Variants in NRP2 observed in about 807,000 individuals in gnomAD.
NRP2 encodes neuropilin 2, also known as neuropilin-2.
A neutral mutation model predicts 110.4 loss-of-function variants in NRP2; 52 were observed. The ratio of observed to expected loss-of-function variants is 0.47; its 90% CI spans 0.38 to 0.59. The LOEUF (loss-of-function observed/expected upper bound fraction) is 0.59, where lower values mean the gene tolerates loss of function less well. NRP2 is among the 20% of genes least tolerant of loss of function. NRP2 has a pLI of 0.00. For synonymous variants in NRP2, 508 were observed against 468.9 expected, an observed-to-expected ratio of 1.08 and a Z score of -1.08; for missense variants, 1,049 against 1,203.0, an observed-to-expected ratio of 0.87 and a Z score of 1.89.
chr2:205,795,297 C>G lies in NRP2; in HGVS notation c.*239C>G. 1 of 497,804 alleles carries G rather than the reference C, an allele frequency of 2.0e-6. No individual in the cohort carries two copies. The allele number at this position is 497,804 out of a possible 1,614,324, so 30.8% of individuals were successfully genotyped here. A position where few individuals can be genotyped will look rare whatever the true frequency, so the allele number is the denominator to read the frequency against. ...GTCATTGCAGGAACGGGGCTGTGTT[C>G]TCTGCTGGGACAAAACAGGAGCTCA... On this transcript the variant is annotated 3_prime_UTR_variant, in exon 17 of 17. Transcript: ENST00000357785.
chr2:205,742,376 G>A (rs930066412), intron 8 of NRP2, among the ~76,000 whole-genome samples: 1 of 152,244 alleles, frequency 6.6e-6, no homozygotes, highest in African/African-American at 2.4e-5. Flanking sequence ...AGGCTACTGA[G>A]CAAGATAGAT....
intron 12 of NRP2, chr2:205,762,509 C>T (rs1469984279): frequency 6.6e-6 from 1 of 152,122 alleles, no homozygotes; most frequent in East Asian, 1.9e-4. Context: ...ATTCACAGTC[C>T]CTGTGGAGTA....
At chr2:205,766,425 C>A (rs1230458419) in intron 14 of NRP2, among the ~76,000 whole-genome samples, 2 of 152,202 alleles carry the variant, frequency 1.3e-5, no homozygotes, top group East Asian at 1.9e-4. Flanking sequence ...CCTGGGACCA[C>A]CCCAGTCCCT....
chr2:205,707,730 T>C (rs975234727), intron 2 of NRP2, among the ~76,000 whole-genome samples: 5 of 152,298 alleles, frequency 3.3e-5, no homozygotes, highest in Admixed American at 2.6e-4. Flanking sequence ...AGGCTCCCGT[T>C]TTTTGGACAG....
chr2:205,794,384 A>G (rs1407285328), intron 16 of NRP2, among the ~76,000 whole-genome samples: 1 of 152,234 alleles, frequency 6.6e-6, no homozygotes, highest in Non-Finnish European at 1.5e-5. Context: ...TGCTGGGATT[A>G]CAGGCGTGAG....
At chr2:205,742,512 C>G (rs575944923) in intron 8 of NRP2, among the ~76,000 whole-genome samples, 1 of 152,234 alleles carries the variant, frequency 6.6e-6, no homozygotes, top group South Asian at 2.1e-4. Context: ...GGATATGACA[C>G]TTGAGCTTGG....
At chr2:205,711,268 G>A (rs1221872899) in intron 2 of NRP2, among the ~76,000 whole-genome samples, 1 of 152,216 alleles carries the variant, frequency 6.6e-6, no homozygotes, top group African/African-American at 2.4e-5. Context: ...CAGCAGTGAA[G>A]AGGCAAGGTC....
chr2:205,713,639 A>G (rs1414190709), intron 2 of NRP2, among the ~76,000 whole-genome samples: 1 of 152,242 alleles, frequency 6.6e-6, no homozygotes, highest in Non-Finnish European at 1.5e-5. Context: ...AAAAGTTAAC[A>G]GTATAGCGTG....
chr2:205,704,733 G>A (rs546083849), intron 2 of NRP2, among the ~76,000 whole-genome samples: 12 of 152,328 alleles, frequency 7.9e-5, no homozygotes, highest in Admixed American at 3.3e-4. Context: ...TGCAAGCTTC[G>A]CTGTAGATGC....
chr2:205,719,954 T>C (rs1347395346), intron 3 of NRP2, among the ~76,000 whole-genome samples: 1 of 152,244 alleles, frequency 6.6e-6, no homozygotes, highest in East Asian at 1.9e-4. Flanking sequence ...ACTTGAGTTC[T>C]TCGTTTAACC....
In NRP2 at chr2:205,743,642, A is replaced by G. The variant is rs2057485629; in HGVS notation, c.1641+90A>G. 3 of 1,535,938 alleles carry G rather than the reference A, an allele frequency of 2.0e-6. No individual in the cohort carries two copies. The Admixed American group carries it at 6.0e-5, about 31-fold the overall frequency. On this transcript the variant is annotated intron_variant, in intron 9 of 16. Transcript: ENST00000357785. ...AGTTGAGACTGATGATGTCCCATCT[A>G]AACAGTCGTCATCCAACTCCTGAAA...
chr2:205,771,859 G>C (rs2058027858), intron 15 of NRP2, among the ~76,000 whole-genome samples: 1 of 152,228 alleles, frequency 6.6e-6, no homozygotes, highest in South Asian at 2.1e-4. Flanking sequence ...TGGCATAAAA[G>C]CATCCATAAG....
chr2:205,717,209 C>T (rs1575579540), intron 3 of NRP2, among the ~76,000 whole-genome samples: 1 of 149,510 alleles, frequency 6.7e-6, no homozygotes, highest in East Asian at 2.0e-4. Flanking sequence ...GGAAGCATGT[C>T]CTCCAGTCCT....
rs765851438 is a variant in NRP2 at position 205,776,409 on chromosome 2, CAAG to C, written c.2425+9611_2425+9613del. 16 of 1,613,522 alleles carry C rather than the reference CAAG, an allele frequency of 9.9e-6. No homozygotes were observed. The East Asian group carries it at 1.3e-4, about 13-fold the overall frequency. The stretch of plus-strand genomic sequence containing the variant: ...ACTACCACCGGTTCCGCTATGCGGC[CAAG>C]AAGACCGATCACTCCATCACCTACA... On this transcript the variant is annotated intron_variant, in intron 15 of 16. Coordinates refer to ENST00000357785, the MANE Select transcript of NRP2 (RefSeq NM_003872.3).
intron 2 of NRP2, 51 bp from the exon 3 acceptor site, chr2:205,716,142 C>T (rs1208043936): frequency 1.3e-6 from 2 of 1,586,454 alleles, no homozygotes; most frequent in Admixed American, 1.7e-5. Flanking sequence ...CACAGTGGTC[C>T]TTCTCATGTC....
At chr2:205,708,360 G>A (rs1196362187) in intron 2 of NRP2, among the ~76,000 whole-genome samples, 2 of 152,214 alleles carry the variant, frequency 1.3e-5, no homozygotes, top group African/African-American at 4.8e-5. Flanking sequence ...GAGCAGACCC[G>A]TGACCACACG....
chr2:205,691,757 G>A (rs774962297), intron 1 of NRP2, among the ~76,000 whole-genome samples: 2 of 152,226 alleles, frequency 1.3e-5, no homozygotes, highest in Admixed American at 6.5e-5. Context: ...CATTTGCAAT[G>A]AGGGCTGGAA....
Position 205,716,241 on chromosome 2 carries a change from C to A in NRP2, c.300C>A (p.Leu100=). Residue 100 remains leucine, a synonymous_variant, in exon 3 of 17, where the codon CTC becomes CTA. Transcript: ENST00000357785. ...IRDGDSESAD[L]LGKHCGNIAP... ...ATGGGGACAGTGAATCCGCAGACCT[C>A]CTGGGCAAACACTGTGGGAACATCG... The A allele has an allele frequency of 3.1e-6, 5 of 1,614,184 alleles. No individual in the cohort carries two copies. The highest frequency in any genetic ancestry group is 4.2e-6 in the Non-Finnish European group (5 of 1,180,042).
At chr2:205,790,648 GTT>G (rs56812222) in intron 15 of NRP2, among the ~76,000 whole-genome samples, 1,617 of 145,110 alleles carry the variant, frequency 0.011, 34 homozygotes, top group African/African-American at 0.038. Context: ...TTTCTTCCAT[GTT>G]TTTTTTTTTT....
Sources: gnomAD v4.1 joint callset for allele counts (sites outside exome capture counted in the v4.1 genomes callset) on GRCh38, gnomAD v4.1.1 for gene constraint, MANE v1.5 for transcripts, NCBI Gene and HGNC (gene_info 2026-07-23, HGNC 2026-07-21) for gene names.